The following HABP2 variants were observed in gnomAD, a reference collection of about 807,000 sequenced individuals.
HABP2 encodes the protein factor VII-activating protease.
Under a neutral mutation model 66.5 loss-of-function variants are expected in HABP2, and 65 were observed. The observed-to-expected ratio is 0.98, with a 90% confidence interval of 0.80 to 1.20. The LOEUF is 1.20. HABP2 is among the 50% of genes most tolerant of loss of function. The probability of loss-of-function intolerance (pLI) is 0.00; values close to 1 mark genes in which losing one functional copy is unlikely to be tolerated. For missense variants in HABP2, 786 were observed against 691.0 expected, an observed-to-expected ratio of 1.14 and a Z score of -1.54; for synonymous variants, 263 against 253.9, an observed-to-expected ratio of 1.04 and a Z score of -0.34.
intron 10 of HABP2, among the ~76,000 whole-genome samples, chr10:113,583,823 A>G (rs1281850274): frequency 6.6e-6 from 1 of 152,144 alleles, no homozygotes; most frequent in Non-Finnish European, 1.5e-5. Context: ...TCAGTTCTGT[A>G]TCCCGTTTCC....
rs778609251 is a variant in HABP2 at position 113,584,129 on chromosome 10, T to C, written c.1238-19T>C. On this transcript the variant is annotated intron_variant, in intron 10 of 12. Coordinates refer to ENST00000351270, the MANE Select transcript of HABP2 (RefSeq NM_004132.5). ...AAGAGGTGACATCGCATCCATTTTC[T>C]ACCTCTCTCTCCACCTAGCATTGCT... 4 of 1,611,480 alleles carry C rather than the reference T, an allele frequency of 2.5e-6. No individual in the cohort carries two copies. In the East Asian group the frequency reaches 6.7e-5, roughly 27 times the overall value.
chr10:113,582,192 C>T, intron 9 of HABP2, 61 bp downstream of exon 9: 1 of 1,491,930 alleles, frequency 6.7e-7, no homozygotes, highest in South Asian at 1.2e-5. Context: ...CTCTCCCCTT[C>T]CCCTCTGAGC....
Position 113,574,390 on chromosome 10 carries a change from A to G in HABP2, c.208A>G (p.Thr70Ala), listed in dbSNP as rs768915431. The change falls in exon 3 of 13, where the codon ACT becomes GCT. Residue 70 changes from threonine to alanine, a missense_variant. Transcript: ENST00000351270. ...THAENPDWYYTEDQADPCQPN... is the reference protein window; with the variant it reads ...THAENPDWYYAEDQADPCQPN... Reference sequence around the variant, plus strand: ...CGCTGAGAATCCTGACTGGTACTACACTGAGGACCAAGCTGGTAGGTACCA... The same window carrying G: ...CGCTGAGAATCCTGACTGGTACTACGCTGAGGACCAAGCTGGTAGGTACCA... 12 of 1,526,416 alleles carry G rather than the reference A, an allele frequency of 7.9e-6. No individual in the cohort carries two copies. The highest frequency in any genetic ancestry group is 1.7e-4 in the Middle Eastern group (1 of 5,936). 94.6% of individuals were successfully genotyped at this position (1,526,416 alleles called of 1,614,324 possible). A position where few individuals can be genotyped will look rare whatever the true frequency, so the allele number is the denominator to read the frequency against.
chr10:113,584,305 C>T (rs746609414), intron 11 of HABP2, 23 bp downstream of exon 11: 1 of 1,609,740 alleles, frequency 6.2e-7, no homozygotes, highest in South Asian at 1.1e-5. Flanking sequence ...TGCACTCTCC[C>T]ATGACTTAGG....
chr10:113,583,378 C>T lies in HABP2; in HGVS notation c.1237+20C>T. The T allele has an allele frequency of 4.4e-6, 7 of 1,608,752 alleles. No homozygotes were observed. The highest frequency in any genetic ancestry group is 6.0e-6 in the Non-Finnish European group (7 of 1,175,216). ...ATATTGGCAAGTTCCTCTTTCATGG[C>T]TTTCCTGAGGGTCTTGTCCTGGGTG... On this transcript the variant is annotated intron_variant, in intron 10 of 12. Coordinates refer to ENST00000351270, the MANE Select transcript of HABP2 (RefSeq NM_004132.5).
intron 2 of HABP2, among the ~76,000 whole-genome samples, chr10:113,572,066 A>C (rs895414207): frequency 1.3e-5 from 2 of 152,226 alleles, no homozygotes; most frequent in Non-Finnish European, 2.9e-5. Flanking sequence ...CTTTCCTTGC[A>C]CAGCCACCAG....
At chr10:113,565,372 A>G (rs1286752213) in intron 1 of HABP2, among the ~76,000 whole-genome samples, 1 of 152,204 alleles carries the variant, frequency 6.6e-6, no homozygotes, top group Non-Finnish European at 1.5e-5. Context: ...TGAGGACTGG[A>G]AAGTCCAGGA....
chr10:113,589,086 A>C lies in HABP2; in HGVS notation c.*717A>C. The C allele has an allele frequency of 1.2e-6, 2 of 1,612,234 alleles. No individual in the cohort carries two copies. Among genetic ancestry groups the C allele is most frequent in the South Asian group, 1.1e-5 (1 of 91,002 alleles). On this transcript the variant is annotated 3_prime_UTR_variant, in exon 13 of 13. Coordinates refer to ENST00000351270, the MANE Select transcript of HABP2 (RefSeq NM_004132.5). ...CCACTGCTTCTGCCCCCCGCTGCTG[A>C]AATCAAACATACCCCAAGTTAAAAT...
intron 1 of HABP2, among the ~76,000 whole-genome samples, chr10:113,556,005 C>T (rs1473896099): frequency 6.6e-6 from 1 of 152,194 alleles, no homozygotes; most frequent in African/African-American, 2.4e-5. Flanking sequence ...AGCTTGCCTG[C>T]TTATCTCAGC....
rs185227712 is a variant in HABP2 at position 113,568,977 on chromosome 10, C to G, written c.106+1452C>G. Among the ~76,000 whole-genome samples the G allele has an allele frequency of 5.2e-3, 797 of 152,218 alleles. 6 individuals carry two copies. The highest frequency in any genetic ancestry group is 5.7e-3 in the Non-Finnish European group (387 of 68,016). ...AAGCAGTGGCCCTACTGAACAGAGA[C>G]CATGGAAAGGGAGTGGAGTTAGCCA... On this transcript the variant is annotated intron_variant, in intron 2 of 12. Coordinates refer to ENST00000351270, the MANE Select transcript of HABP2 (RefSeq NM_004132.5).
intron 3 of HABP2, among the ~76,000 whole-genome samples, chr10:113,575,362 G>A (rs536349779): frequency 6.6e-6 from 1 of 152,174 alleles, no homozygotes; most frequent in African/African-American, 2.4e-5. Context: ...AAAGATGAAG[G>A]CCACTGGGTC....
chr10:113,559,327 T>C (rs1831561526), intron 1 of HABP2, among the ~76,000 whole-genome samples: 1 of 152,210 alleles, frequency 6.6e-6, no homozygotes, highest in Non-Finnish European at 1.5e-5. Context: ...TCACCAAGTC[T>C]CACCTGCGGA....
Position 113,589,164 on chromosome 10 carries a change from A to G in HABP2, c.*795A>G. 3.8e-6 allele frequency: 4 copies of G among 1,053,074 alleles called. No individual in the cohort carries two copies. Among genetic ancestry groups the G allele is most frequent in the Non-Finnish European group, 5.7e-6 (4 of 702,788 alleles). The allele number at this position is 1,053,074 out of a possible 1,614,324, so 65.2% of individuals were successfully genotyped here. A position where few individuals can be genotyped will look rare whatever the true frequency, so the allele number is the denominator to read the frequency against. ...CCGGTTCCCACAGGACACGCTAAGA[A>G]GCACAGGGAGCATTTAACAGGCTCA... On this transcript the variant is annotated 3_prime_UTR_variant, in exon 13 of 13. Transcript: ENST00000351270.
chr10:113,588,709 C>A lies in HABP2; in HGVS notation c.*340C>A. The A allele has an allele frequency of 1.8e-6, 1 of 546,208 alleles. No individual in the cohort carries two copies. The highest frequency in any genetic ancestry group is 2.7e-5 in the South Asian group (1 of 36,744). 33.8% of individuals were successfully genotyped at this position (546,208 alleles called of 1,614,324 possible). On this transcript the variant is annotated 3_prime_UTR_variant, in exon 13 of 13. Transcript: ENST00000351270. ...CTGCAAATGCAGACTCCAGAATCCCCAGCATCAGCGGGAACCACCATCACA... is the reference window on the plus strand; with the variant it reads ...CTGCAAATGCAGACTCCAGAATCCCAAGCATCAGCGGGAACCACCATCACA...
At chr10:113,581,722 A>C (rs924944480) in intron 8 of HABP2, among the ~76,000 whole-genome samples, 154 bp from the exon 9 acceptor site, 4 of 152,314 alleles carry the variant, frequency 2.6e-5, no homozygotes, top group Non-Finnish European at 4.4e-5. Context: ...TCAACTGTGC[A>C]CCTACTGCAT....
At chr10:113,574,453 C>T (rs372168368) in intron 3 of HABP2, 48 bp downstream of exon 3, 44 of 941,162 alleles carry the variant, frequency 4.7e-5, no homozygotes, top group African/African-American at 4.5e-4. Flanking sequence ...AAGGTCAGAG[C>T]GGAGTGTATG....
chr10:113,558,382 C>T (rs1845039049), intron 1 of HABP2, among the ~76,000 whole-genome samples: 1 of 152,164 alleles, frequency 6.6e-6, no homozygotes, highest in East Asian at 1.9e-4. Context: ...ACAAAGAAAG[C>T]GAAGTGATGT....
Position 113,578,695 on chromosome 10 carries a change from C to T in HABP2, c.637C>T (p.His213Tyr), listed in dbSNP as rs188451944. 3 of 1,606,236 alleles carry T rather than the reference C, an allele frequency of 1.9e-6. No homozygotes were observed. The highest frequency in any genetic ancestry group is 2.6e-6 in the Non-Finnish European group (3 of 1,172,806). The change falls in exon 7 of 13, where the codon CAT (histidine) becomes TAT (tyrosine). Residue 213 changes from histidine to tyrosine, a missense_variant. By Grantham distance (83) the His-to-Tyr change is moderately conservative. Transcript: ENST00000351270. The stretch of plus-strand genomic sequence containing the variant: ...GAAAATGAATAGGACAGTCAACCAG[C>T]ATGCGTGCCTTTACTGGAACTCCCA... ...RGKMNRTVNQ[H>Y]ACLYWNSHLL...
intron 1 of HABP2, among the ~76,000 whole-genome samples, chr10:113,565,950 G>A (rs1371952859): frequency 6.6e-6 from 1 of 152,138 alleles, no homozygotes; most frequent in Non-Finnish European, 1.5e-5. Context: ...AGTACTATCT[G>A]TTGATATTTT....
Sources: gnomAD v4.1 joint callset for allele counts (sites outside exome capture counted in the v4.1 genomes callset) on GRCh38, gnomAD v4.1.1 for gene constraint, MANE v1.5 for transcripts, NCBI Gene and HGNC (gene_info 2026-07-23, HGNC 2026-07-21) for gene names.